Variants in PTPRM observed in about 807,000 individuals in gnomAD.
The protein encoded by PTPRM is protein tyrosine phosphatase receptor type M.
PTPRM carries 47 observed loss-of-function variants against 186.7 expected under a neutral mutation model. That is an observed-to-expected ratio of 0.25 (90% confidence interval 0.20 to 0.32). The LOEUF (loss-of-function observed/expected upper bound fraction) is 0.32. Among genes scored for constraint, PTPRM ranks in the 10% least tolerant of loss-of-function variants. The pLI is 1.00. For missense variants in PTPRM, 1,494 were observed against 1,865.0 expected (o/e 0.80, Z 3.66); for synonymous variants, 668 against 674.9 (o/e 0.99, Z 0.16).
chr18:8,374,694 T>C (rs866778236), intron 24 of PTPRM, among the ~76,000 whole-genome samples: 7 of 152,380 alleles, frequency 4.6e-5, no homozygotes, highest in Admixed American at 6.5e-5. Context: ...TAATTCCTTA[T>C]AGCTTAAACT....
chr18:7,582,223 TG>T (rs2036864091), intron 1 of PTPRM, among the ~76,000 whole-genome samples: 1 of 152,194 alleles, frequency 6.6e-6, no homozygotes, highest in South Asian at 2.1e-4. Flanking sequence ...GTTCTATGGG[TG>T]CCTCTGCTGA....
At chr18:8,069,549 A>T in intron 7 of PTPRM, 137 bp from the exon 8 acceptor site, 1 of 792,906 alleles carries the variant, frequency 1.3e-6, no homozygotes, top group Admixed American at 3.0e-5. Flanking sequence ...CCTAGCCAAG[A>T]TTTAGGGATT....
chr18:8,252,999 A>G (rs551742837), intron 18 of PTPRM, among the ~76,000 whole-genome samples: 1 of 152,350 alleles, frequency 6.6e-6, no homozygotes, highest in East Asian at 1.9e-4. Flanking sequence ...TGAAAGCAAT[A>G]TATCGTTTGG....
intron 4 of PTPRM, among the ~76,000 whole-genome samples, chr18:7,920,083 T>G (rs1322192924): frequency 6.6e-6 from 1 of 152,094 alleles, no homozygotes; most frequent in Non-Finnish European, 1.5e-5. Flanking sequence ...GTGAGTGCCT[T>G]TATAGTTGAG....
At chr18:8,121,377 T>C (rs1449229316) in intron 13 of PTPRM, among the ~76,000 whole-genome samples, 7 of 152,190 alleles carry the variant, frequency 4.6e-5, no homozygotes, top group African/African-American at 7.2e-5. Flanking sequence ...CTGTCCTTAA[T>C]TTTCCAATAT....
At chr18:7,670,046 C>A (rs1392469643) in intron 1 of PTPRM, among the ~76,000 whole-genome samples, 1 of 151,962 alleles carries the variant, frequency 6.6e-6, no homozygotes, top group African/African-American at 2.4e-5. Context: ...GCCTGGCCAG[C>A]CACAATTTTA....
At chr18:8,134,116 T>C (rs2092580441) in intron 13 of PTPRM, among the ~76,000 whole-genome samples, 1 of 152,178 alleles carries the variant, frequency 6.6e-6, no homozygotes, top group African/African-American at 2.4e-5. Flanking sequence ...CCAAAATTCA[T>C]TTACTTGCTC....
intron 1 of PTPRM, among the ~76,000 whole-genome samples, chr18:7,762,490 G>A (rs548591216): frequency 1.3e-5 from 2 of 152,244 alleles, no homozygotes; most frequent in South Asian, 2.1e-4. Flanking sequence ...AGAGGTAGAC[G>A]GGGGTTGAAT....
At chr18:7,994,141 A>G (rs34209167) in intron 7 of PTPRM, among the ~76,000 whole-genome samples, 2,860 of 152,230 alleles carry the variant, frequency 0.019, 31 homozygotes, top group Non-Finnish European at 0.031. Flanking sequence ...TTATGCAAAA[A>G]GAAACCAAAA....
chr18:8,050,603 A>G (rs1371599691), intron 7 of PTPRM, among the ~76,000 whole-genome samples: 2 of 152,168 alleles, frequency 1.3e-5, no homozygotes, highest in African/African-American at 4.8e-5. Context: ...TTAATTATAA[A>G]TATATTCTCT....
chr18:8,043,888 A>G (rs944783419), intron 7 of PTPRM, among the ~76,000 whole-genome samples: 2 of 152,076 alleles, frequency 1.3e-5, no homozygotes, highest in Non-Finnish European at 2.9e-5. Context: ...GCAGAAAGGG[A>G]GGGTTAATCC....
At chr18:8,196,007 C>G (rs2093773292) in intron 14 of PTPRM, among the ~76,000 whole-genome samples, 1 of 152,190 alleles carries the variant, frequency 6.6e-6, no homozygotes, top group African/African-American at 2.4e-5. Flanking sequence ...AGTTGGTATT[C>G]CTTTCCACTC....
chr18:8,279,162 C>A (rs919679043), intron 19 of PTPRM, among the ~76,000 whole-genome samples: 1 of 151,966 alleles, frequency 6.6e-6, no homozygotes, highest in African/African-American at 2.4e-5. Flanking sequence ...CATATATCCT[C>A]AAAAATGTTC....
At position 8,066,592 on chromosome 18, in the gene PTPRM, A is replaced by G. The variant is rs142458546; in HGVS notation, c.1133-3094A>G. On this transcript the variant is annotated intron_variant, in intron 7 of 32. Coordinates refer to ENST00000580170, the MANE Select transcript of PTPRM (RefSeq NM_001105244.2). Reference sequence around the variant, plus strand: ...TTGATAGCAACACATTAGTAGGCACAGCAGAACTACAGACCATAGTCAAAG... The same window carrying G: ...TTGATAGCAACACATTAGTAGGCACGGCAGAACTACAGACCATAGTCAAAG... 1.3e-3 allele frequency among the ~76,000 whole-genome samples: 195 copies of G among 152,350 alleles called. 1 individual carries two copies. The highest frequency in any genetic ancestry group is 4.5e-3 in the African/African-American group (187 of 41,592).
chr18:7,845,630 C>G (rs1205921746), intron 2 of PTPRM, among the ~76,000 whole-genome samples: 1 of 152,162 alleles, frequency 6.6e-6, no homozygotes, highest in East Asian at 1.9e-4. Context: ...CTCCTTTTCA[C>G]ATTTATGGAC....
At chr18:7,887,157 C>G (rs1359486110) in intron 2 of PTPRM, among the ~76,000 whole-genome samples, 1 of 152,054 alleles carries the variant, frequency 6.6e-6, no homozygotes, top group Non-Finnish European at 1.5e-5. Flanking sequence ...CGCATTTTTT[C>G]TCTGTGCTAA....
chr18:7,886,015 C>A (rs1258524834), intron 2 of PTPRM, among the ~76,000 whole-genome samples: 1 of 152,166 alleles, frequency 6.6e-6, no homozygotes, highest in Non-Finnish European at 1.5e-5. Context: ...CTTGCCCAAG[C>A]TTAAGTGATG....
At chr18:8,278,942 G>T (rs570401700) in intron 19 of PTPRM, among the ~76,000 whole-genome samples, 2 of 152,150 alleles carry the variant, frequency 1.3e-5, no homozygotes, top group African/African-American at 2.4e-5. Context: ...TGTCTCAAGA[G>T]GGGGAGGGAT....
rs1600683743 is a variant in PTPRM at position 8,121,301 on chromosome 18, A to G, written c.2167+6474A>G. On this transcript the variant is annotated intron_variant, in intron 13 of 32. Transcript: ENST00000580170. ...AGATGGTAGATGATCTATTTTCCTT[A>G]CTCGCTGCCACATTTCTAATAGTAC... Among the ~76,000 whole-genome samples the G allele has an allele frequency of 3.3e-5, 5 of 152,156 alleles. No homozygotes were observed. In the South Asian group the frequency reaches 8.3e-4, roughly 25 times the overall value.
Sources: allele counts gnomAD v4.1 joint callset (sites outside exome capture counted in the v4.1 genomes callset), GRCh38; gene constraint gnomAD v4.1.1; transcripts MANE v1.5; gene names NCBI Gene and HGNC (gene_info 2026-07-23, HGNC 2026-07-21).